The following PRPF8 variants were observed in gnomAD, a reference collection of about 807,000 sequenced individuals.
PRPF8 encodes pre-mRNA-processing-splicing factor 8.
In PRPF8, 64 loss-of-function variants were observed where a neutral mutation model predicts 285.9. That is an observed-to-expected ratio of 0.22 (90% confidence interval 0.18 to 0.28). The LOEUF (loss-of-function observed/expected upper bound fraction) is 0.28, where lower values mean the gene tolerates loss of function less well. PRPF8 is among the 10% of genes least tolerant of loss of function. PRPF8 has a pLI of 1.00. For synonymous variants in PRPF8, 1,325 were observed against 1,118.2 expected, an observed-to-expected ratio of 1.18 and a Z score of -3.69; for missense variants, 1,426 against 3,026.7, an observed-to-expected ratio of 0.47 and a Z score of 12.41.
chr17:1,681,408 G>C, intron 6 of PRPF8, 70 bp downstream of exon 6: 1 of 1,471,026 alleles, frequency 6.8e-7, no homozygotes, highest in South Asian at 1.1e-5. Context: ...AGTTATATCA[G>C]GACTTTAAGG....
At position 1,675,011 on chromosome 17, in the gene PRPF8, G is replaced by T. The variant is rs1220225799; in HGVS notation, c.3060+141C>A. The T allele has an allele frequency of 3.1e-6, 3 of 979,752 alleles. No individual in the cohort carries two copies. The highest frequency in any genetic ancestry group is 4.7e-6 in the Non-Finnish European group (3 of 633,986). The allele number at this position is 979,752 out of a possible 1,614,324, so 60.7% of individuals were successfully genotyped here. On this transcript the variant is annotated intron_variant, in intron 20 of 42. Coordinates refer to ENST00000304992, the MANE Select transcript of PRPF8 (RefSeq NM_006445.4). The surrounding 1 kb of genome is among the most constrained non-coding windows in gnomAD (Gnocchi z 6.0). ...ACTGGTCTCGAACTCCTGACCTCGTGATCTGCCCGCCTCAGCCTCCCAAAG... is the reference window on the plus strand; with the variant it reads ...ACTGGTCTCGAACTCCTGACCTCGTTATCTGCCCGCCTCAGCCTCCCAAAG...
Position 1,673,832 on chromosome 17 carries a change from G to C in PRPF8, c.3360C>G (p.Pro1120=), listed in dbSNP as rs750812511. 6.2e-7 allele frequency: 1 copy of C among 1,613,946 alleles called. No individual in the cohort carries two copies. The highest frequency in any genetic ancestry group is 8.5e-7 in the Non-Finnish European group (1 of 1,180,006). Residue 1120 remains proline, a synonymous_variant, in exon 22 of 43, where the codon CCC becomes CCG. Coordinates refer to ENST00000304992, the MANE Select transcript of PRPF8 (RefSeq NM_006445.4). The surrounding 1 kb of genome is among the most constrained non-coding windows in gnomAD (Gnocchi z 5.5). ...IQRYLTEHPD[P]NNENIVGYNN... ...TATAGCCAACGATGTTTTCATTATTGGGGTCAGGGTGCTCTGTCAGGTAAC... is the reference window on the plus strand; with the variant it reads ...TATAGCCAACGATGTTTTCATTATTCGGGTCAGGGTGCTCTGTCAGGTAAC...
At chr17:1,657,501 C>T (rs911918212) in intron 34 of PRPF8, among the ~76,000 whole-genome samples, 1 of 151,304 alleles carries the variant, frequency 6.6e-6, no homozygotes, top group African/African-American at 2.4e-5. Flanking sequence ...AAAAATTTAG[C>T]CGGGCGTGGT....
At position 1,655,515 on chromosome 17, in the gene PRPF8, C is replaced by T. The variant is rs1464315101; in HGVS notation, c.5822G>A (p.Arg1941His). 1 of 1,613,880 alleles carries T rather than the reference C, an allele frequency of 6.2e-7. No homozygotes were observed. The highest frequency in any genetic ancestry group is 8.5e-7 in the Non-Finnish European group (1 of 1,179,820). The change falls in exon 37 of 43, where the codon CGT becomes CAT. Residue 1941 changes from arginine (R) to histidine (H), a missense_variant. Arg to His is a conservative substitution (Grantham distance 29). Around this residue, in one of 34 missense-constraint regions of PRPF8, gnomAD observed 29 missense variants for 86.4 expected, o/e 0.34. Transcript: ENST00000304992. ...TAFSRLILIL[R>H]ALHVNNDRAK... The stretch of plus-strand genomic sequence containing the variant: ...CCGATCGTTGTTCACATGTAGGGCA[C>T]GCAGAATCAGGATGAGACGGGAGAA...
rs777097794 is a variant in PRPF8, at chr17:1,655,364, G to A, written c.5973C>T (p.Tyr1991=). The part of the protein sequence containing the change: ...VQLKDLILAD[Y]GKKNNVNVAS... ...GCACTGCTCACTTGTTTTTCTTGCC[G>A]TAGTCAGCCAAGATCAGATCCTTGA... Residue 1991 remains tyrosine (Y), a synonymous_variant, in exon 37 of 43, where the codon TAC becomes TAT. Transcript: ENST00000304992. 9.3e-6 allele frequency: 15 copies of A among 1,613,280 alleles called. No individual in the cohort carries two copies. Among genetic ancestry groups the A allele is most frequent in the South Asian group, 4.4e-5 (4 of 91,052 alleles).
At chr17:1,667,958 A>G (rs1438952774) in intron 24 of PRPF8, among the ~76,000 whole-genome samples, 1 of 152,224 alleles carries the variant, frequency 6.6e-6, no homozygotes, top group Admixed American at 6.5e-5. Flanking sequence ...GATTGCAGGC[A>G]TAAGCCACCA....
Position 1,651,890 on chromosome 17 carries a change from A to C in PRPF8, c.6370-102T>G. Reference sequence around the variant, plus strand: ...TTCCTTCCCCCAAGAACGAGGACAGAGTTTCTTAAAACGTGATCAGAACCC... The same window carrying C: ...TTCCTTCCCCCAAGAACGAGGACAGCGTTTCTTAAAACGTGATCAGAACCC... On this transcript the variant is annotated intron_variant, in intron 39 of 42. Transcript: ENST00000304992. The surrounding 1 kb of genome is among the most constrained non-coding windows in gnomAD (Gnocchi z 5.1). The C allele has an allele frequency of 4.8e-6, 7 of 1,458,698 alleles. No homozygotes were observed. In the South Asian group the frequency reaches 5.7e-5, roughly 12 times the overall value. 90.4% of individuals were successfully genotyped at this position (1,458,698 alleles called of 1,614,324 possible).
chr17:1,684,843 C>T lies in PRPF8; in HGVS notation c.-75G>A. ...CGCAATGGCGGCCAGACTGCGTCCG[C>T]TCCGCGTTCCCAGCGCCGGGAAGTG... On this transcript the variant is annotated 5_prime_UTR_variant, in exon 1 of 43. Transcript: ENST00000304992. 1 of 596,116 alleles carries T rather than the reference C, an allele frequency of 1.7e-6. No homozygotes were observed. Among genetic ancestry groups the T allele is most frequent in the South Asian group, 2.0e-5 (1 of 50,392 alleles). 36.9% of individuals were successfully genotyped at this position (596,116 alleles called of 1,614,324 possible). A position where few individuals can be genotyped will look rare whatever the true frequency, so the allele number is the denominator to read the frequency against.
In PRPF8 at chr17:1,657,541, G is replaced by A. The variant is rs545400284; in HGVS notation, c.5505+712C>T. On this transcript the variant is annotated intron_variant, in intron 34 of 42. Transcript: ENST00000304992. ...GGCACCTGTAGTCCCAGCTACTCGGGAGGCTGAGGCAGGAGAATGGCGTGA... is the reference window on the plus strand; with the variant it reads ...GGCACCTGTAGTCCCAGCTACTCGGAAGGCTGAGGCAGGAGAATGGCGTGA... Among the ~76,000 whole-genome samples, 600 of 151,106 alleles carry A rather than the reference G, an allele frequency of 4.0e-3. 4 individuals carry two copies. Among genetic ancestry groups the A allele is most frequent in the African/African-American group, 0.014 (568 of 41,092 alleles).
At chr17:1,677,212 C>G (rs1567689296) in intron 14 of PRPF8, 40 bp from the exon 15 acceptor site, 1 of 1,589,676 alleles carries the variant, frequency 6.3e-7, no homozygotes, top group Non-Finnish European at 8.6e-7. Flanking sequence ...AAGGAAGATT[C>G]CTTGCTTTCA....
intron 2 of PRPF8, 82 bp from the exon 3 acceptor site, chr17:1,683,783 A>T (rs1913070403): frequency 1.9e-6 from 3 of 1,542,854 alleles, no homozygotes; most frequent in Middle Eastern, 2.3e-4. Context: ...AGCTCCTGTC[A>T]GTGAGTGTGA....
Position 1,650,971 on chromosome 17 carries a change from A to C in PRPF8, c.6854-15T>G, listed in dbSNP as rs1597223458. 1.2e-6 allele frequency: 2 copies of C among 1,614,196 alleles called. No homozygotes were observed. Among genetic ancestry groups the C allele is most frequent in the Non-Finnish European group, 8.5e-7 (1 of 1,180,036 alleles). ...ATGCCGAACACCTTCGGGGAGAAGGAAACAGCCAATGTTAACAGGGCTCCT... is the reference window on the plus strand; with the variant it reads ...ATGCCGAACACCTTCGGGGAGAAGGCAACAGCCAATGTTAACAGGGCTCCT... On this transcript the variant is annotated splice_polypyrimidine_tract_variant and intron_variant, in intron 42 of 42. Transcript: ENST00000304992.
chr17:1,670,777 G>C (rs540277342), intron 24 of PRPF8, among the ~76,000 whole-genome samples: 9 of 152,156 alleles, frequency 5.9e-5, no homozygotes, highest in Admixed American at 2.0e-4. Flanking sequence ...GTGAGCCCCC[G>C]CGCCTGGCCT....
chr17:1,658,953 T>G lies in PRPF8; in HGVS notation c.5139-190A>C. The G allele has an allele frequency of 1.4e-6, 1 of 699,462 alleles. No individual in the cohort carries two copies. The highest frequency in any genetic ancestry group is 2.6e-6 in the Non-Finnish European group (1 of 383,020). 43.3% of individuals were successfully genotyped at this position (699,462 alleles called of 1,614,324 possible). On this transcript the variant is annotated intron_variant, in intron 32 of 42. Transcript: ENST00000304992. The surrounding 1 kb of genome is among the most constrained non-coding windows in gnomAD (Gnocchi z 4.1). Reference sequence around the variant, plus strand: ...AATGGGCCACTTCCTCTCACTTAGGTAAAGTAAAAAAGTATGACTACGTTA... The same window carrying G: ...AATGGGCCACTTCCTCTCACTTAGGGAAAGTAAAAAAGTATGACTACGTTA...
In PRPF8 at chr17:1,658,965, G is replaced by A. The variant is rs2151114898; in HGVS notation, c.5139-202C>T. The A allele has an allele frequency of 2.9e-6, 2 of 690,972 alleles. No homozygotes were observed. Among genetic ancestry groups the A allele is most frequent in the Non-Finnish European group, 5.3e-6 (2 of 378,296 alleles). The allele number at this position is 690,972 out of a possible 1,614,324, so 42.8% of individuals were successfully genotyped here. On this transcript the variant is annotated intron_variant, in intron 32 of 42. Transcript: ENST00000304992. The surrounding 1 kb of genome is among the most constrained non-coding windows in gnomAD (Gnocchi z 4.1). Reference sequence around the variant, plus strand: ...CCTCTCACTTAGGTAAAGTAAAAAAGTATGACTACGTTAAAGTATGGAGCT... The same window carrying A: ...CCTCTCACTTAGGTAAAGTAAAAAAATATGACTACGTTAAAGTATGGAGCT...
At chr17:1,683,352 AAG>A (rs765679645) in intron 3 of PRPF8, 179 bp downstream of exon 3, 8 of 717,360 alleles carry the variant, frequency 1.1e-5, no homozygotes, top group Admixed American at 2.2e-5. Flanking sequence ...CCAGATCGGG[AAG>A]AGAGGGGAAA....
In PRPF8 at chr17:1,653,487, T is replaced by G. The variant is rs1911192308; in HGVS notation, c.6369+55A>C. On this transcript the variant is annotated intron_variant, in intron 39 of 42. Coordinates refer to ENST00000304992, the MANE Select transcript of PRPF8 (RefSeq NM_006445.4). This position sits in a 1 kb window ranked among gnomAD's most constrained non-coding sequence, Gnocchi z 4.9. ...TCCAGACAATCTCAGGTCTGAGTTT[T>G]AGGCACAAAATGAGTTGGGCACACA... is the stretch of plus-strand genomic sequence containing the variant. 6.2e-7 allele frequency: 1 copy of G among 1,610,992 alleles called. No individual in the cohort carries two copies. Among genetic ancestry groups the G allele is most frequent in the South Asian group, 1.1e-5 (1 of 91,006 alleles).
Position 1,675,693 on chromosome 17 carries a change from G to A in PRPF8, c.2799C>T (p.Arg933=). 1 of 1,614,152 alleles carries A rather than the reference G, an allele frequency of 6.2e-7. No homozygotes were observed. Among genetic ancestry groups the A allele is most frequent in the Non-Finnish European group, 8.5e-7 (1 of 1,180,032 alleles). ...GCTTAATCCAGGGTGGGAACAGGCG[G>A]CGCTTGTCGGCTTCATACCACAGGT... is the stretch of plus-strand genomic sequence containing the variant. ...DQYLWYEADK[R]RLFPPWIKPA... The change falls in exon 19 of 43, where the codon CGC becomes CGT. Residue 933 remains arginine (R), a synonymous_variant. Coordinates refer to ENST00000304992, the MANE Select transcript of PRPF8 (RefSeq NM_006445.4). The surrounding 1 kb of genome is among the most constrained non-coding windows in gnomAD (Gnocchi z 6.0).
rs1912755505 is a variant in PRPF8, at chr17:1,678,892, T to C, written c.1600-11A>G. On this transcript the variant is annotated splice_polypyrimidine_tract_variant and intron_variant, in intron 11 of 42. Coordinates refer to ENST00000304992, the MANE Select transcript of PRPF8 (RefSeq NM_006445.4). ...AGATTTCTTTCTTTCCTGGAGAAGA[T>C]GCAAAAAACAGACAGAACGTGAATG... 3.7e-6 allele frequency: 6 copies of C among 1,614,122 alleles called. No individual in the cohort carries two copies. The highest frequency in any genetic ancestry group is 1.3e-5 in the African/African-American group (1 of 75,050).
Sources: allele counts gnomAD v4.1 joint callset (sites outside exome capture counted in the v4.1 genomes callset), GRCh38; gene constraint gnomAD v4.1.1; regional missense constraint gnomAD v4.1.1; non-coding constraint Gnocchi (gnomAD v3.1); transcripts MANE v1.5; gene names NCBI Gene and HGNC (gene_info 2026-07-23, HGNC 2026-07-21).